Variants in SLC38A12 observed in about 807,000 individuals in gnomAD.
SLC38A12 encodes the protein solute carrier family 38 member 12, also known as putative sodium-coupled neutral amino acid transporter 12.
At chr17:74,790,287 C>T in the SLC38A12 span, 1 of 1,614,084 alleles carries the variant, frequency 6.2e-7, no homozygotes, top group Non-Finnish European at 8.5e-7. Context: ...GCGGCCCATC[C>T]TGTCTGTGCG....
At chr17:74,778,420 T>G in the SLC38A12 span, among the ~76,000 whole-genome samples, 1 of 152,148 alleles carries the variant, frequency 6.6e-6, no homozygotes, top group Non-Finnish European at 1.5e-5. Flanking sequence ...CCCTGCCTTG[T>G]ACATAGCTTC....
the SLC38A12 span, among the ~76,000 whole-genome samples, chr17:74,815,033 G>A: frequency 1.3e-5 from 2 of 152,284 alleles, no homozygotes; most frequent in East Asian, 1.9e-4. Flanking sequence ...TTGCCAGCAG[G>A]AGGGTGAAGG....
At chr17:74,788,766 C>T in the SLC38A12 span, 8 of 1,608,672 alleles carry the variant, frequency 5.0e-6, no homozygotes, top group East Asian at 4.5e-5. Flanking sequence ...CCGCCTTTGG[C>T]GCTGGGCACT....
chr17:74,787,569 C>G, the SLC38A12 span, among the ~76,000 whole-genome samples: 2 of 150,708 alleles, frequency 1.3e-5, no homozygotes, highest in Admixed American at 6.6e-5. Context: ...TTGCAGTGAG[C>G]CGAGATTGCG....
chr17:74,839,213 T>A, the SLC38A12 span: 1 of 1,464,318 alleles, frequency 6.8e-7, no homozygotes, highest in Non-Finnish European at 9.0e-7. Context: ...GAAGCACTGC[T>A]GGGTGGTGGA....
At chr17:74,813,328 C>T in the SLC38A12 span, among the ~76,000 whole-genome samples, 1 of 152,240 alleles carries the variant, frequency 6.6e-6, no homozygotes, top group African/African-American at 2.4e-5. Context: ...CAAGTGTTTT[C>T]TCTGTCACTT....
At chr17:74,791,902 T>C in the SLC38A12 span, among the ~76,000 whole-genome samples, 1 of 152,188 alleles carries the variant, frequency 6.6e-6, no homozygotes, top group African/African-American at 2.4e-5. Context: ...ATCCCAGCAC[T>C]TTGGGAGGCC....
chr17:74,810,783 C>T, the SLC38A12 span, among the ~76,000 whole-genome samples: 4 of 152,328 alleles, frequency 2.6e-5, no homozygotes, highest in East Asian at 5.8e-4. Flanking sequence ...CCGCAGAATT[C>T]GGACGACCTC....
chr17:74,785,741 C>G, the SLC38A12 span: 36 of 1,227,498 alleles, frequency 2.9e-5, no homozygotes, highest in South Asian at 4.4e-4. Flanking sequence ...GAGTCCTTGC[C>G]AGGGTATTCA....
chr17:74,830,208 C>G, the SLC38A12 span, among the ~76,000 whole-genome samples: 1 of 152,252 alleles, frequency 6.6e-6, no homozygotes, highest in South Asian at 2.1e-4. Context: ...TTGGCCCAGT[C>G]ACGGCTTCAT....
At chr17:74,787,745 G>A in the SLC38A12 span, among the ~76,000 whole-genome samples, 6 of 151,778 alleles carry the variant, frequency 4.0e-5, no homozygotes, top group African/African-American at 9.7e-5. Flanking sequence ...TGTATCCTCC[G>A]TTAACAAAAG....
chr17:74,813,038 C>T, the SLC38A12 span, among the ~76,000 whole-genome samples: 5 of 152,278 alleles, frequency 3.3e-5, no homozygotes, highest in South Asian at 1.0e-3. Context: ...GAGAACTGCC[C>T]ACATAGTAAC....
the SLC38A12 span, among the ~76,000 whole-genome samples, chr17:74,790,001 T>C: frequency 6.6e-6 from 1 of 150,454 alleles, no homozygotes; most frequent in East Asian, 1.9e-4. Context: ...TCACCCAGGC[T>C]GGAGTGCAGT....
the SLC38A12 span, among the ~76,000 whole-genome samples, chr17:74,831,172 A>G: frequency 2.0e-5 from 3 of 152,256 alleles, no homozygotes; most frequent in African/African-American, 7.2e-5. Flanking sequence ...GCCTCCCGCG[A>G]CGGGGATCTC....
chr17:74,777,498 A>C, the SLC38A12 span: 3 of 1,560,364 alleles, frequency 1.9e-6, no homozygotes, highest in Non-Finnish European at 2.6e-6. Flanking sequence ...TGGAAGCAGG[A>C]TGGGGGAGTT....
At chr17:74,799,794 G>A in the SLC38A12 span, among the ~76,000 whole-genome samples, 65 of 152,316 alleles carry the variant, frequency 4.3e-4, no homozygotes, top group Non-Finnish European at 5.9e-5. Flanking sequence ...TTAAAATGGT[G>A]TGCAGTCCCC....
At chr17:74,837,890 G>A in the SLC38A12 span, 1 of 985,874 alleles carries the variant, frequency 1.0e-6, no homozygotes, top group Admixed American at 6.1e-5. Context: ...CCCTGGGCCT[G>A]GCCCCACCTG....
the SLC38A12 span, among the ~76,000 whole-genome samples, chr17:74,798,738 C>T: frequency 6.6e-6 from 1 of 151,958 alleles, no homozygotes. Context: ...GATTCTCAGG[C>T]CCCCCACCCA....
the SLC38A12 span, among the ~76,000 whole-genome samples, chr17:74,798,218 G>A: frequency 6.6e-6 from 1 of 152,170 alleles, no homozygotes; most frequent in Non-Finnish European, 1.5e-5. Flanking sequence ...CAGTAGTTCT[G>A]GGGGACAGAG....
Sources: allele counts gnomAD v4.1 joint callset (sites outside exome capture counted in the v4.1 genomes callset), GRCh38; gene constraint gnomAD v4.1.1; transcripts MANE v1.5; gene names NCBI Gene and HGNC (gene_info 2026-07-23, HGNC 2026-07-21).